The following CLEC5A variants were observed in gnomAD, a reference collection of about 807,000 sequenced individuals.
CLEC5A encodes C-type lectin domain containing 5A, also known as C-type lectin domain family 5 member A.
A neutral mutation model predicts 24.4 loss-of-function variants in CLEC5A; 15 were observed. The ratio of observed to expected loss-of-function variants is 0.62; its 90% confidence interval spans 0.41 to 0.95. The LOEUF (loss-of-function observed/expected upper bound fraction) is 0.95, where lower values mean the gene tolerates loss of function less well. Among genes scored for constraint, CLEC5A ranks in the 40% least tolerant of loss-of-function variants. The pLI, the probability that CLEC5A is intolerant of heterozygous loss-of-function variation, is 0.00. For missense variants in CLEC5A, 211 were observed against 224.0 expected, an observed-to-expected ratio of 0.94 and a Z score of 0.37; for synonymous variants, 71 against 72.6, an observed-to-expected ratio of 0.98 and a Z score of 0.11.
Position 141,931,012 on chromosome 7 carries a change from G to T in CLEC5A, c.452+708C>A, listed in dbSNP as rs1346487794. Among the ~76,000 whole-genome samples the T allele has an allele frequency of 2.6e-5, 4 of 152,084 alleles. 1 individual carries two copies. Among genetic ancestry groups the T allele is most frequent in the Admixed American group, 2.6e-4 (4 of 15,264 alleles). On this transcript the variant is annotated intron_variant, in intron 6 of 6. Coordinates refer to ENST00000546910, the MANE Select transcript of CLEC5A (RefSeq NM_013252.3). ...GACCTCTGTCTGAATCACTATTTTTGTATAAACACTGGGAAGATTATTGAT... is the reference window on the plus strand; with the variant it reads ...GACCTCTGTCTGAATCACTATTTTTTTATAAACACTGGGAAGATTATTGAT...
rs1291945818 is a variant in CLEC5A, at chr7:141,930,082, T to C, written c.*22A>G. On this transcript the variant is annotated 3_prime_UTR_variant, in exon 7 of 7. Transcript: ENST00000546910. Reference sequence around the variant, plus strand: ...GATTCAAAAAGAGTTGCAAGTATAGTTCTTGTCACAGGGAACTGTGATCAT... The same window carrying C: ...GATTCAAAAAGAGTTGCAAGTATAGCTCTTGTCACAGGGAACTGTGATCAT... 6 of 1,570,114 alleles carry C rather than the reference T, an allele frequency of 3.8e-6. No homozygotes were observed. Among genetic ancestry groups the C allele is most frequent in the Non-Finnish European group, 5.3e-6 (6 of 1,140,958 alleles).
At chr7:141,940,022 C>T (rs1379671302) in intron 4 of CLEC5A, among the ~76,000 whole-genome samples, 5 of 152,008 alleles carry the variant, frequency 3.3e-5, no homozygotes, top group African/African-American at 7.2e-5. Context: ...AGCATTGGAC[C>T]GATCTTTCAG....
In CLEC5A at chr7:141,928,603, C is replaced by G. The variant is rs1734805165; in HGVS notation, c.*1501G>C. The G allele has an allele frequency of 6.6e-6, 1 of 152,190 alleles. No homozygotes were observed. The highest frequency in any genetic ancestry group is 6.5e-5 in the Admixed American group (1 of 15,282). 9.4% of individuals were successfully genotyped at this position (152,190 alleles called of 1,614,324 possible). On this transcript the variant is annotated 3_prime_UTR_variant, in exon 7 of 7. Coordinates refer to ENST00000546910, the MANE Select transcript of CLEC5A (RefSeq NM_013252.3). Reference sequence around the variant, plus strand: ...TCTGGTAATTCCCTTCAAGCAAGTTCTGACACCTGATGTGTTATCTCATGT... The same window carrying G: ...TCTGGTAATTCCCTTCAAGCAAGTTGTGACACCTGATGTGTTATCTCATGT...
intron 4 of CLEC5A, among the ~76,000 whole-genome samples, chr7:141,941,272 C>T (rs1184488227): frequency 6.6e-6 from 1 of 152,110 alleles, no homozygotes; most frequent in African/African-American, 2.4e-5. Flanking sequence ...GATGGTTCAA[C>T]ATATGCAACT....
Position 141,930,237 on chromosome 7 carries a change from C to A in CLEC5A, c.453-19G>T. On this transcript the variant is annotated intron_variant, in intron 6 of 6. Transcript: ENST00000546910. Reference sequence around the variant, plus strand: ...GGTAACACTAAATGAGAAAACAAAACAAAACAAAACAAACAAACAAAAAAC... The same window carrying A: ...GGTAACACTAAATGAGAAAACAAAAAAAAACAAAACAAACAAACAAAAAAC... The A allele has an allele frequency of 6.4e-7, 1 of 1,571,622 alleles. No individual in the cohort carries two copies. The highest frequency in any genetic ancestry group is 8.7e-7 in the Non-Finnish European group (1 of 1,143,014).
In CLEC5A at chr7:141,930,042, C is replaced by T. The variant is rs879951498; in HGVS notation, c.*62G>A. The T allele has an allele frequency of 1.5e-6, 2 of 1,315,400 alleles. No homozygotes were observed. The highest frequency in any genetic ancestry group is 2.5e-5 in the South Asian group (2 of 79,876). 81.5% of individuals were successfully genotyped at this position (1,315,400 alleles called of 1,614,324 possible). Reference sequence around the variant, plus strand: ...ATAGGTAAGTAAAAGAATCATTGGCCAGACGACCTGTATGGATTCAAAAAG... The same window carrying T: ...ATAGGTAAGTAAAAGAATCATTGGCTAGACGACCTGTATGGATTCAAAAAG... On this transcript the variant is annotated 3_prime_UTR_variant, in exon 7 of 7. Transcript: ENST00000546910.
chr7:141,932,590 A>G lies in CLEC5A; in HGVS notation c.346-764T>C, dbSNP rs190475440. On this transcript the variant is annotated intron_variant, in intron 5 of 6. Transcript: ENST00000546910. ...CTCCTTTTCTGAAATATCTTATTTC[A>G]TTACTTTTTAATTAATTACTGAATG... is the stretch of plus-strand genomic sequence containing the variant. Among the ~76,000 whole-genome samples, 19 of 152,270 alleles carry G rather than the reference A, an allele frequency of 1.2e-4. No homozygotes were observed. In the East Asian group the frequency reaches 3.1e-3, roughly 25 times the overall value.
chr7:141,932,886 C>G (rs1802506277), intron 5 of CLEC5A, among the ~76,000 whole-genome samples: 1 of 152,218 alleles, frequency 6.6e-6, no homozygotes, highest in Admixed American at 6.5e-5. Flanking sequence ...TGTATGTTAT[C>G]TGACCCTTTT....
At chr7:141,941,207 C>T (rs938899471) in intron 4 of CLEC5A, among the ~76,000 whole-genome samples, 3 of 151,990 alleles carry the variant, frequency 2.0e-5, no homozygotes, top group African/African-American at 7.2e-5. Flanking sequence ...AATTCAACAA[C>T]ATATTAAAAA....
chr7:141,928,628 T>C lies in CLEC5A; in HGVS notation c.*1476A>G, dbSNP rs1372954030. ...CTGACACCTGATGTGTTATCTCATGTTAAAAAATTGTAAGTGGCCATGCTA... is the reference window on the plus strand; with the variant it reads ...CTGACACCTGATGTGTTATCTCATGCTAAAAAATTGTAAGTGGCCATGCTA... On this transcript the variant is annotated 3_prime_UTR_variant, in exon 7 of 7. Coordinates refer to ENST00000546910, the MANE Select transcript of CLEC5A (RefSeq NM_013252.3). The C allele has an allele frequency of 2.0e-5, 3 of 152,204 alleles. No individual in the cohort carries two copies. The highest frequency in any genetic ancestry group is 4.8e-5 in the African/African-American group (2 of 41,454). 9.4% of individuals were successfully genotyped at this position (152,204 alleles called of 1,614,324 possible).
intron 6 of CLEC5A, 36 bp from the exon 7 acceptor site, chr7:141,930,254 A>C: frequency 1.3e-6 from 2 of 1,495,532 alleles, no homozygotes; most frequent in Non-Finnish European, 1.9e-6. Flanking sequence ...AAACAAACAA[A>C]CAAAAAACAA....
In CLEC5A at chr7:141,928,945, G is replaced by A. The variant is rs1802372166; in HGVS notation, c.*1159C>T. 6.6e-6 allele frequency: 1 copy of A among 152,156 alleles called. No individual in the cohort carries two copies. The highest frequency in any genetic ancestry group is 1.5e-5 in the Non-Finnish European group (1 of 68,036). 9.4% of individuals were successfully genotyped at this position (152,156 alleles called of 1,614,324 possible). A position where few individuals can be genotyped will look rare whatever the true frequency, so the allele number is the denominator to read the frequency against. On this transcript the variant is annotated 3_prime_UTR_variant, in exon 7 of 7. Transcript: ENST00000546910. The stretch of plus-strand genomic sequence containing the variant: ...AGAGTATATAGCTGATGTCTTGTGA[G>A]TGTGGAGAACAGCCAGGGTACTCCA...
rs1490575474 is a variant in CLEC5A, at chr7:141,934,598, G to A, written c.345+1216C>T. On this transcript the variant is annotated intron_variant, in intron 5 of 6. Coordinates refer to ENST00000546910, the MANE Select transcript of CLEC5A (RefSeq NM_013252.3). The stretch of plus-strand genomic sequence containing the variant: ...GCAAACCATTGCCATGATGACCTTT[G>A]TCTTTTTCTTTAACGTTTTTTTTTT... Among the ~76,000 whole-genome samples the A allele has an allele frequency of 3.5e-5, 3 of 86,018 alleles. No homozygotes were observed. The Admixed American group carries it at 3.7e-4, about 11-fold the overall frequency. The allele number at this position is 86,018 out of a possible 152,430, so 56.4% of individuals were successfully genotyped here. A position where few individuals can be genotyped will look rare whatever the true frequency, so the allele number is the denominator to read the frequency against.
chr7:141,939,504 G>T (rs560821903), intron 4 of CLEC5A, among the ~76,000 whole-genome samples: 21 of 151,534 alleles, frequency 1.4e-4, no homozygotes, highest in Non-Finnish European at 2.4e-4. Flanking sequence ...AAGGAAGACA[G>T]GAAGGAAAGA....
At chr7:141,944,006 A>G in intron 3 of CLEC5A, 42 bp from the exon 4 acceptor site, 1 of 1,181,296 alleles carries the variant, frequency 8.5e-7, no homozygotes, top group Non-Finnish European at 1.3e-6. Context: ...TATGATGAAT[A>G]CAACACAGAA....
rs201363921 is a variant in CLEC5A at position 141,935,898 on chromosome 7, A to G, written c.261T>C (p.Thr87=). The change falls in exon 5 of 7, where the codon ACT becomes ACC. Residue 87 remains threonine (T), a synonymous_variant. Transcript: ENST00000546910. Reference sequence around the variant, plus strand: ...TGCTTTCATTCCAAGATGATTCAGAAGTGGATAAGAAAAAACATCTTGCTT... The same window carrying G: ...TGCTTTCATTCCAAGATGATTCAGAGGTGGATAAGAAAAAACATCTTGCTT... ...FYQARCFFLS[T]SESSWNESRD... is the part of the protein sequence containing the mutation. 6 of 1,613,030 alleles carry G rather than the reference A, an allele frequency of 3.7e-6. No homozygotes were observed. Among genetic ancestry groups the G allele is most frequent in the Non-Finnish European group, 5.1e-6 (6 of 1,178,976 alleles).
intron 4 of CLEC5A, among the ~76,000 whole-genome samples, chr7:141,939,152 CTCTTA>C (rs1361667579): frequency 1.1e-4 from 16 of 152,086 alleles, no homozygotes; most frequent in Admixed American, 2.6e-4. Context: ...ATGTAAAGTA[CTCTTA>C]TCTTAAGTAG....
At chr7:141,938,629 C>T (rs13227402) in intron 4 of CLEC5A, among the ~76,000 whole-genome samples, 35,349 of 152,028 alleles carry the variant, frequency 0.23, 5,026 homozygotes, top group East Asian at 0.45. Context: ...TATCCAAGTA[C>T]AAGAAGGTTA....
chr7:141,946,626 T>C (rs1215975259), intron 1 of CLEC5A, among the ~76,000 whole-genome samples, 181 bp downstream of exon 1: 2 of 152,222 alleles, frequency 1.3e-5, no homozygotes, highest in Non-Finnish European at 2.9e-5. Flanking sequence ...TGAGAACCCT[T>C]ATCCTTGAAA....
Sources: gnomAD v4.1 joint callset for allele counts (sites outside exome capture counted in the v4.1 genomes callset) on GRCh38, gnomAD v4.1.1 for gene constraint, MANE v1.5 for transcripts, NCBI Gene and HGNC (gene_info 2026-07-23, HGNC 2026-07-21) for gene names.